The following ZNF738 variants were observed in gnomAD, a reference collection of about 807,000 sequenced individuals.
ZNF738 encodes protein ZNF738.
Under a neutral mutation model 9.2 loss-of-function variants are expected in ZNF738, and 10 were observed. The ratio of observed to expected loss-of-function variants is 1.09; its 90% CI spans 0.67 to 1.85. The LOEUF (loss-of-function observed/expected upper bound fraction) is 1.85, where lower values mean the gene tolerates loss of function less well. Among genes scored for constraint, ZNF738 ranks in the 40% most tolerant of loss-of-function variants. The pLI is 0.00. For synonymous variants in ZNF738, 113 were observed against 94.5 expected (o/e 1.20, Z -1.14); for missense variants, 346 against 283.6 (o/e 1.22, Z -1.58).
Position 21,383,306 on chromosome 19 carries a change from C to A in ZNF738, c.760C>A (p.His254Asn). The A allele has an allele frequency of 1.3e-6, 2 of 1,507,566 alleles. No individual in the cohort carries two copies. The highest frequency in any genetic ancestry group is 1.8e-6 in the Non-Finnish European group (2 of 1,096,742). The allele number at this position is 1,507,566 out of a possible 1,614,324, so 93.4% of individuals were successfully genotyped here. A position where few individuals can be genotyped will look rare whatever the true frequency, so the allele number is the denominator to read the frequency against. The change falls in exon 5 of 5, where the codon CAT becomes AAT. Residue 254 changes from histidine (H) to asparagine (N), a missense_variant. Transcript: ENST00000683779. ...FSTLTRHKRIHTGDKSYKHEE... is the reference protein window; with the variant it reads ...FSTLTRHKRINTGDKSYKHEE... The stretch of plus-strand genomic sequence containing the variant: ...AACCCTTACTAGACACAAGAGAATT[C>A]ATACTGGAGACAAATCCTACAAACA...
chr19:21,368,036 T>C (rs1196023053), intron 2 of ZNF738, among the ~76,000 whole-genome samples: 1 of 152,238 alleles, frequency 6.6e-6, no homozygotes. Flanking sequence ...CTGGGACCAC[T>C]ATCTGCAGAA....
At chr19:21,381,029 C>A (rs1973996217) in intron 4 of ZNF738, among the ~76,000 whole-genome samples, 1 of 152,218 alleles carries the variant, frequency 6.6e-6, no homozygotes, top group Non-Finnish European at 1.5e-5. Context: ...TTCTCATTTT[C>A]TGTCCCCTAA....
intron 2 of ZNF738, among the ~76,000 whole-genome samples, chr19:21,363,745 T>A (rs1298140738): frequency 6.8e-6 from 1 of 146,730 alleles, no homozygotes; most frequent in Non-Finnish European, 1.5e-5. Context: ...AAAAATTAAC[T>A]GGGCGTGGTG....
rs775597878 is a variant in ZNF738 at position 21,359,148 on chromosome 19, G to C, written c.3+5G>C. ...CACCCTGGAAGCCTAGAAATGGTGA[G>C]AGTGCGGGGTCCAACATCCCGAGAG... On this transcript the variant is annotated splice_donor_5th_base_variant and intron_variant, in intron 1 of 4. Coordinates refer to ENST00000683779, the MANE Select transcript of ZNF738 (RefSeq NM_001355237.2). The C allele has an allele frequency of 1.0e-5, 11 of 1,051,980 alleles. No individual in the cohort carries two copies. The highest frequency in any genetic ancestry group is 2.5e-5 in the South Asian group (2 of 79,864). The allele number at this position is 1,051,980 out of a possible 1,614,324, so 65.2% of individuals were successfully genotyped here.
At chr19:21,359,632 A>C (rs1973655432) in intron 1 of ZNF738, among the ~76,000 whole-genome samples, 1 of 152,206 alleles carries the variant, frequency 6.6e-6, no homozygotes, top group South Asian at 2.1e-4. Context: ...TAATCCCAGC[A>C]CTTTGGAAGG....
chr19:21,381,818 A>G, intron 4 of ZNF738: 1 of 290,456 alleles, frequency 3.4e-6, no homozygotes. Flanking sequence ...AAGTTGTTTT[A>G]CTTTGGTTAC....
At chr19:21,376,378 A>AG (rs1973928286) in intron 4 of ZNF738, 1 of 156,280 alleles carries the variant, frequency 6.4e-6, no homozygotes. Context: ...AATGTGTGAG[A>AG]GTAGTGGTCA....
At chr19:21,364,945 A>G (rs1278302334) in intron 2 of ZNF738, among the ~76,000 whole-genome samples, 3 of 117,078 alleles carry the variant, frequency 2.6e-5, no homozygotes, top group East Asian at 2.4e-4. Context: ...TTTTTAGTAG[A>G]GACAGGGTTT....
chr19:21,373,626 G>A (rs1472831802), intron 2 of ZNF738, among the ~76,000 whole-genome samples: 1 of 152,210 alleles, frequency 6.6e-6, no homozygotes, highest in African/African-American at 2.4e-5. Flanking sequence ...TTTTTCTGCA[G>A]TTCTTAGTTC....
rs1440314429 is a variant in ZNF738 at position 21,385,475 on chromosome 19, AT to A, written c.*1802del. Reference sequence around the variant, plus strand: ...TATCTCCAAAAAAATAAATAAATAAATAAAAAAAATAAGAGAGTTCATACTA... The same window carrying A: ...TATCTCCAAAAAAATAAATAAATAAAAAAAAAAATAAGAGAGTTCATACTA... On this transcript the variant is annotated 3_prime_UTR_variant, in exon 5 of 5. Transcript: ENST00000683779. Among the ~76,000 whole-genome samples the A allele has an allele frequency of 4.0e-5, 6 of 151,632 alleles. No individual in the cohort carries two copies. The highest frequency in any genetic ancestry group is 8.8e-5 in the Non-Finnish European group (6 of 67,866).
chr19:21,366,179 A>T (rs1973775394), intron 2 of ZNF738, among the ~76,000 whole-genome samples: 1 of 152,202 alleles, frequency 6.6e-6, no homozygotes, highest in Non-Finnish European at 1.5e-5. Flanking sequence ...TGCAAGACAG[A>T]TTAATCCAAA....
Position 21,383,107 on chromosome 19 carries a change from A to G in ZNF738, c.561A>G (p.Lys187=). 2 of 1,507,050 alleles carry G rather than the reference A, an allele frequency of 1.3e-6. No individual in the cohort carries two copies. Among genetic ancestry groups the G allele is most frequent in the Non-Finnish European group, 1.8e-6 (2 of 1,087,630 alleles). 93.4% of individuals were successfully genotyped at this position (1,507,050 alleles called of 1,614,324 possible). ...QCDKYVKVFH[K]FLNSNTHKTR... ...ATAAATATGTGAAAGTCTTTCATAA[A>G]TTTTTAAATTCAAATACACATAAGA... The change falls in exon 5 of 5, where the codon AAA becomes AAG. Residue 187 remains lysine (K), a synonymous_variant. Transcript: ENST00000683779.
chr19:21,373,744 G>A (rs1599716038), intron 2 of ZNF738, among the ~76,000 whole-genome samples: 1 of 145,860 alleles, frequency 6.9e-6, no homozygotes, highest in East Asian at 2.0e-4. Context: ...CATCTGAAAA[G>A]CATTTCCAAA....
intron 2 of ZNF738, among the ~76,000 whole-genome samples, chr19:21,373,003 CTG>C (rs1009897957): frequency 2.5e-4 from 38 of 152,260 alleles, no homozygotes; most frequent in African/African-American, 8.4e-4. Flanking sequence ...GTAAAGGACT[CTG>C]TGCTGTGCCT....
At chr19:21,381,419 A>G in intron 4 of ZNF738, 1 of 1,507,212 alleles carries the variant, frequency 6.6e-7, no homozygotes, top group Non-Finnish European at 9.2e-7. Flanking sequence ...TGTATATTCT[A>G]GAGTATAAGA....
chr19:21,381,234 T>C (rs1223160644), intron 4 of ZNF738: 120 of 1,564,522 alleles, frequency 7.7e-5, no homozygotes, highest in Non-Finnish European at 1.0e-4. Context: ...ATATTAAAGC[T>C]TTCTCTACAG....
At chr19:21,362,461 T>C (rs1056944092) in intron 2 of ZNF738, among the ~76,000 whole-genome samples, 15 of 152,102 alleles carry the variant, frequency 9.9e-5, no homozygotes, top group Admixed American at 2.0e-4. Context: ...AATGGGTGGT[T>C]CTTGAGCACA....
intron 2 of ZNF738, among the ~76,000 whole-genome samples, chr19:21,371,265 C>T (rs1973853112): frequency 6.6e-6 from 1 of 152,262 alleles, no homozygotes. Context: ...GTTTCTCCAG[C>T]CTGGCTTATC....
intron 2 of ZNF738, 45 bp from the exon 3 acceptor site, chr19:21,375,193 G>T (rs1439635119): frequency 4.5e-6 from 4 of 892,672 alleles, no homozygotes; most frequent in East Asian, 5.5e-5. Context: ...GATAAATTCT[G>T]CCCGTGGACA....
Sources: gnomAD v4.1 joint callset for allele counts (sites outside exome capture counted in the v4.1 genomes callset) on GRCh38, gnomAD v4.1.1 for gene constraint, MANE v1.5 for transcripts, NCBI Gene and HGNC (gene_info 2026-07-23, HGNC 2026-07-21) for gene names.